The following SLC18B1 variants were observed in gnomAD, a reference collection of about 807,000 sequenced individuals.
SLC18B1 encodes MFS-type transporter SLC18B1.
SLC18B1 carries 62 observed loss-of-function variants against 53.9 expected under a neutral mutation model. The observed-to-expected ratio is 1.15, with a 90% CI of 0.94 to 1.42. The LOEUF is 1.42. SLC18B1 is among the 40% of genes most tolerant of loss of function. SLC18B1 has a pLI of 0.00. For synonymous variants in SLC18B1, 217 were observed against 200.9 expected, an observed-to-expected ratio of 1.08 and a Z score of -0.68; for missense variants, 598 against 547.3, an observed-to-expected ratio of 1.09 and a Z score of -0.93.
chr6:132,780,342 T>A (rs752791827), intron 6 of SLC18B1, among the ~76,000 whole-genome samples: 1 of 151,950 alleles, frequency 6.6e-6, no homozygotes, highest in African/African-American at 2.4e-5. Context: ...AAAGCGATCC[T>A]CCCACCTCAG....
chr6:132,792,248 A>C (rs866981320), intron 2 of SLC18B1, among the ~76,000 whole-genome samples: 1 of 20,024 alleles, frequency 5.0e-5, no homozygotes, highest in African/African-American at 2.8e-4. Context: ...AGAAAGAAAG[A>C]AAGAAAGAAA....
At chr6:132,791,663 A>AGG (rs1233160380) in intron 2 of SLC18B1, among the ~76,000 whole-genome samples, 2 of 152,144 alleles carry the variant, frequency 1.3e-5, no homozygotes, top group African/African-American at 4.8e-5. Context: ...GAGGGCAGAG[A>AGG]GGATGGGCCC....
intron 4 of SLC18B1, among the ~76,000 whole-genome samples, chr6:132,789,077 A>G (rs1445134297): frequency 1.3e-5 from 2 of 152,160 alleles, no homozygotes; most frequent in African/African-American, 2.4e-5. Context: ...ATGTACTTAT[A>G]TAAGCTCTTC....
At chr6:132,778,578 C>T (rs1444623441) in intron 7 of SLC18B1, among the ~76,000 whole-genome samples, 2 of 152,068 alleles carry the variant, frequency 1.3e-5, no homozygotes, top group Non-Finnish European at 2.9e-5. Context: ...AGTTTCTGTG[C>T]TATTTTAAAT....
At chr6:132,796,399 G>C (rs1002892580) in intron 2 of SLC18B1, among the ~76,000 whole-genome samples, 2 of 146,172 alleles carry the variant, frequency 1.4e-5, no homozygotes, top group African/African-American at 5.1e-5. Context: ...GGTGGTAGGC[G>C]CCTGTAATCC....
At chr6:132,794,107 A>ATTTCT (rs1781612612) in intron 2 of SLC18B1, among the ~76,000 whole-genome samples, 1 of 137,970 alleles carries the variant, frequency 7.2e-6, no homozygotes. Flanking sequence ...TTTTTTTTTA[A>ATTTCT]TTTTTTTTTT....
rs185114035 is a variant in SLC18B1, at chr6:132,774,391, A to G, written c.898-78T>C. On this transcript the variant is annotated intron_variant, in intron 8 of 13. Coordinates refer to ENST00000275227, the MANE Select transcript of SLC18B1 (RefSeq NM_052831.3). ...TAATCAAACAACGTAAAACATTAGT[A>G]AAAAACACAAATCATGATATTCAAA... The G allele has an allele frequency of 5.5e-6, 6 of 1,093,272 alleles. No homozygotes were observed. The African/African-American group carries it at 7.9e-5, about 14-fold the overall frequency. 67.7% of individuals were successfully genotyped at this position (1,093,272 alleles called of 1,614,324 possible). A position where few individuals can be genotyped will look rare whatever the true frequency, so the allele number is the denominator to read the frequency against.
intron 6 of SLC18B1, among the ~76,000 whole-genome samples, chr6:132,782,187 CAAAAA>C (rs572176758): frequency 8.9e-5 from 8 of 89,816 alleles, no homozygotes; most frequent in African/African-American, 2.7e-4. Context: ...GACTCTGTTT[CAAAAA>C]AAAAAAAAAA....
intron 2 of SLC18B1, among the ~76,000 whole-genome samples, chr6:132,792,296 G>GAAAGAAAGAAAGAAAGAAAGA (rs1562271515): frequency 3.4e-5 from 1 of 29,598 alleles, no homozygotes; most frequent in Non-Finnish European, 6.1e-5. Flanking sequence ...AGAAAGGAAG[G>GAAAGAAAGAAAGAAAGAAAGA]AAGGAAGGAA....
In SLC18B1 at chr6:132,798,633, A is replaced by C; in HGVS notation, c.-177T>G. 1.8e-6 allele frequency: 1 copy of C among 549,670 alleles called. No individual in the cohort carries two copies. The highest frequency in any genetic ancestry group is 2.8e-6 in the Non-Finnish European group (1 of 361,812). 34.0% of individuals were successfully genotyped at this position (549,670 alleles called of 1,614,324 possible). On this transcript the variant is annotated 5_prime_UTR_variant, in exon 1 of 14. Transcript: ENST00000275227. The stretch of plus-strand genomic sequence containing the variant: ...CCGGAGCTCCCCAAAGCCTTCCAGG[A>C]CTCTGGGTCCCCGGGAGGAGGCCGG...
chr6:132,777,752 A>G (rs2114666010), intron 7 of SLC18B1, among the ~76,000 whole-genome samples: 1 of 152,310 alleles, frequency 6.6e-6, no homozygotes, highest in Admixed American at 6.5e-5. Flanking sequence ...AAACACAAAC[A>G]ACTTGGATTT....
chr6:132,774,801 C>T (rs1582855140), intron 8 of SLC18B1, among the ~76,000 whole-genome samples: 2 of 152,056 alleles, frequency 1.3e-5, no homozygotes, highest in South Asian at 4.2e-4. Flanking sequence ...ATCCCAGCTA[C>T]TCAGGAAGCT....
chr6:132,795,970 T>C (rs1781664272), intron 2 of SLC18B1, among the ~76,000 whole-genome samples: 1 of 151,948 alleles, frequency 6.6e-6, no homozygotes, highest in Non-Finnish European at 1.5e-5. Context: ...CCCAGCACTT[T>C]GGGAGGCCAA....
At chr6:132,770,495 GGAGGCA>G (rs1422116610) in intron 13 of SLC18B1, among the ~76,000 whole-genome samples, 159 bp from the exon 14 acceptor site, 1 of 152,160 alleles carries the variant, frequency 6.6e-6, no homozygotes, top group Middle Eastern at 3.2e-3. Context: ...CAGCATTTTG[GGAGGCA>G]GAGGCAGGCG....
At chr6:132,792,283 G>GAAAGAAAGAAAGAAAGAAAGAAAGAAA (rs71003613) in intron 2 of SLC18B1, among the ~76,000 whole-genome samples, 25 of 49,032 alleles carry the variant, frequency 5.1e-4, no homozygotes, top group African/African-American at 3.0e-3. Context: ...AAGAAAGAAA[G>GAAAGAAAGAAAGAAAGAAAGAAAGAAA]GAAGAAAGGA....
intron 2 of SLC18B1, among the ~76,000 whole-genome samples, chr6:132,794,340 G>A (rs1474179659): frequency 6.6e-6 from 1 of 151,862 alleles, no homozygotes; most frequent in Non-Finnish European, 1.5e-5. Context: ...CTGACCTCAG[G>A]TGATCCTCCC....
At chr6:132,772,717 T>C (rs1781007609) in intron 10 of SLC18B1, among the ~76,000 whole-genome samples, 1 of 152,190 alleles carries the variant, frequency 6.6e-6, no homozygotes, top group Non-Finnish European at 1.5e-5. Context: ...CTGAGACCTA[T>C]CTATTTTGCT....
Position 132,774,258 on chromosome 6 carries a change from A to T in SLC18B1, c.953T>A (p.Met318Lys), listed in dbSNP as rs572765031. 4 of 1,613,738 alleles carry T rather than the reference A, an allele frequency of 2.5e-6. No homozygotes were observed. In the South Asian group the frequency reaches 4.4e-5, roughly 18 times the overall value. ...CAAGATTGGGACAGGCCCTAAGAGCATGTAGCACCCGGCTGTGATTAAGTT... is the reference window on the plus strand; with the variant it reads ...CAAGATTGGGACAGGCCCTAAGAGCTTGTAGCACCCGGCTGTGATTAAGTT... Reference protein sequence around the residue: ...FGNLITAGCYMLLGPVPILHI... With the variant: ...FGNLITAGCYKLLGPVPILHI... The change falls in exon 9 of 14, where the codon ATG becomes AAG. Residue 318 changes from methionine to lysine, a missense_variant. Coordinates refer to ENST00000275227, the MANE Select transcript of SLC18B1 (RefSeq NM_052831.3).
chr6:132,771,164 G>T lies in SLC18B1; in HGVS notation c.1161-35C>A, dbSNP rs756012955. 8 of 1,557,554 alleles carry T rather than the reference G, an allele frequency of 5.1e-6. No individual in the cohort carries two copies. In the Admixed American group the frequency reaches 1.2e-4, roughly 24 times the overall value. On this transcript the variant is annotated intron_variant, in intron 11 of 13. Coordinates refer to ENST00000275227, the MANE Select transcript of SLC18B1 (RefSeq NM_052831.3). ...GAAAGAAGAAAAAGTATTCAATAGT[G>T]CAAAAAATAAATAATTACTTCATGA...
Sources: allele counts gnomAD v4.1 joint callset (sites outside exome capture counted in the v4.1 genomes callset), GRCh38; gene constraint gnomAD v4.1.1; transcripts MANE v1.5; gene names NCBI Gene and HGNC (gene_info 2026-07-23, HGNC 2026-07-21).